SLC25A25: variants seen among roughly 807,000 people sequenced by gnomAD.
SLC25A25 encodes the protein solute carrier family 25 member 25.
A neutral mutation model predicts 57.7 loss-of-function variants in SLC25A25; 32 were observed. The ratio of observed to expected loss-of-function variants is 0.55; its 90% confidence interval spans 0.42 to 0.74. The LOEUF is 0.74. Ranked by LOEUF, SLC25A25 falls within the 30% of genes least tolerant of loss-of-function variation. The pLI is 0.00. For missense variants in SLC25A25, 556 were observed against 701.3 expected (o/e 0.79, Z 2.34); for synonymous variants, 306 against 291.2 (o/e 1.05, Z -0.52).
chr9:128,100,978 C>T (rs543628535), intron 1 of SLC25A25, 118 bp from the exon 2 acceptor site: 1 of 1,397,984 alleles, frequency 7.2e-7, no homozygotes, highest in African/African-American at 1.4e-5. Flanking sequence ...CATCTTGGGT[C>T]CTTGGGGCCA....
intron 1 of SLC25A25, among the ~76,000 whole-genome samples, chr9:128,069,675 A>G (rs1832858204): frequency 6.6e-6 from 1 of 152,228 alleles, no homozygotes; most frequent in African/African-American, 2.4e-5. Context: ...GCTAACTATT[A>G]GGATCAGCCT....
chr9:128,084,814 A>G (rs1400492096), intron 1 of SLC25A25, among the ~76,000 whole-genome samples: 2 of 152,134 alleles, frequency 1.3e-5, no homozygotes, highest in Non-Finnish European at 2.9e-5. Context: ...ATCAGCCTCT[A>G]TTGTCTAGAT....
chr9:128,069,695 A>T (rs1832858545), intron 1 of SLC25A25, among the ~76,000 whole-genome samples: 1 of 152,232 alleles, frequency 6.6e-6, no homozygotes, highest in African/African-American at 2.4e-5. Context: ...TAGGAGGACC[A>T]AGAGTAACAC....
intron 1 of SLC25A25, chr9:128,091,449 C>T (rs1253714543): frequency 4.1e-6 from 4 of 985,684 alleles, no homozygotes; most frequent in African/African-American, 3.5e-5. Context: ...CTCGGGTCCT[C>T]GGCTTGGGTG....
In SLC25A25 at chr9:128,108,171, GTCAGGATGGGCCCCACC is replaced by G; in HGVS notation, c.*732_*748del. Reference sequence around the variant, plus strand: ...GGTGCTCTGAGCTGGCCTGGACCCTGTCAGGATGGGCCCCACCTCAGAACCAAACTCACTGTCCCCAC... The same window carrying G: ...GGTGCTCTGAGCTGGCCTGGACCCTGTCAGAACCAAACTCACTGTCCCCAC... On this transcript the variant is annotated 3_prime_UTR_variant, in exon 11 of 11. Transcript: ENST00000373069. The G allele has an allele frequency of 2.5e-6, 1 of 399,268 alleles. No homozygotes were observed. Among genetic ancestry groups the G allele is most frequent in the Non-Finnish European group, 4.4e-6 (1 of 226,256 alleles). 24.7% of individuals were successfully genotyped at this position (399,268 alleles called of 1,614,324 possible).
Position 128,099,139 on chromosome 9 carries a change from C to T in SLC25A25, c.262-1957C>T. 8.2e-7 allele frequency: 1 copy of T among 1,220,188 alleles called. No homozygotes were observed. The allele number at this position is 1,220,188 out of a possible 1,614,324, so 75.6% of individuals were successfully genotyped here. A position where few individuals can be genotyped will look rare whatever the true frequency, so the allele number is the denominator to read the frequency against. ...CCTGGTGTGGGGGTGAGGGAGCCTC[C>T]CGCCTTCTCGACTCTCAGACATCGC... On this transcript the variant is annotated intron_variant, in intron 1 of 10. Transcript: ENST00000373069. The surrounding 1 kb of genome is among the most constrained non-coding windows in gnomAD (Gnocchi z 6.8).
chr9:128,073,882 C>T lies in SLC25A25; in HGVS notation c.261+5302C>T, dbSNP rs55949011. Among the ~76,000 whole-genome samples the T allele has an allele frequency of 5.5e-3, 842 of 151,758 alleles. 10 individuals carry two copies. The highest frequency in any genetic ancestry group is 0.02 in the African/African-American group (811 of 41,362). Reference sequence around the variant, plus strand: ...TGGTGTAGCTGGGATTACAGGCCTGCGCCACCATGCCCTGCTAATTTTTAT... The same window carrying T: ...TGGTGTAGCTGGGATTACAGGCCTGTGCCACCATGCCCTGCTAATTTTTAT... On this transcript the variant is annotated intron_variant, in intron 1 of 10. Transcript: ENST00000373069.
intron 1 of SLC25A25, among the ~76,000 whole-genome samples, chr9:128,086,713 C>A (rs1177128930): frequency 6.6e-6 from 1 of 151,828 alleles, no homozygotes; most frequent in East Asian, 1.9e-4. Context: ...TGACTTCAAG[C>A]AATCCTCCCG....
rs200304795 is a variant in SLC25A25, at chr9:128,101,227, G to A, written c.388+5G>A. On this transcript the variant is annotated splice_donor_5th_base_variant and intron_variant, in intron 2 of 10. Transcript: ENST00000373069. This position sits in a 1 kb window ranked among gnomAD's most constrained non-coding sequence, Gnocchi z 4.9. ...GTTTGGACAAAAAGAATGATGGTAAGTGTTGCCTTCAGAGCTGTGGCCGGT... is the reference window on the plus strand; with the variant it reads ...GTTTGGACAAAAAGAATGATGGTAAATGTTGCCTTCAGAGCTGTGGCCGGT... 3.3e-4 allele frequency: 539 copies of A among 1,614,288 alleles called. 3 individuals carry two copies. The highest frequency in any genetic ancestry group is 1.9e-4 in the African/African-American group (14 of 75,088).
chr9:128,106,335 G>A lies in SLC25A25; in HGVS notation c.1045-18G>A, dbSNP rs369399322. 64 of 1,613,556 alleles carry A rather than the reference G, an allele frequency of 4.0e-5. No homozygotes were observed. Among genetic ancestry groups the A allele is most frequent in the Non-Finnish European group, 5.2e-5 (61 of 1,179,780 alleles). On this transcript the variant is annotated intron_variant, in intron 8 of 10. Coordinates refer to ENST00000373069, the MANE Select transcript of SLC25A25 (RefSeq NM_001330988.2). ...GGCACAGGCTGTGCTCACGCGTCCC[G>A]CTGCTCCTGTTGTGCAGGTCCTGAA...
chr9:128,097,973 G>A (rs754453140), intron 1 of SLC25A25, among the ~76,000 whole-genome samples: 1 of 152,202 alleles, frequency 6.6e-6, no homozygotes, highest in Non-Finnish European at 1.5e-5. Flanking sequence ...GGGCCCATAG[G>A]GGGGTCCACT....
chr9:128,100,973 T>C, intron 1 of SLC25A25, 123 bp from the exon 2 acceptor site: 3 of 1,339,900 alleles, frequency 2.2e-6, no homozygotes, highest in East Asian at 2.4e-5. Context: ...AGAAGCATCT[T>C]GGGTCCTTGG....
chr9:128,105,435 T>C (rs1019273585), intron 6 of SLC25A25, among the ~76,000 whole-genome samples: 3 of 152,010 alleles, frequency 2.0e-5, no homozygotes, highest in African/African-American at 7.2e-5. Context: ...CCTCCCAAAG[T>C]GCTGGGATTA....
At chr9:128,087,853 T>C (rs1175325555) in intron 1 of SLC25A25, among the ~76,000 whole-genome samples, 1 of 152,246 alleles carries the variant, frequency 6.6e-6, no homozygotes, top group Non-Finnish European at 1.5e-5. Flanking sequence ...TTGTAGTTTT[T>C]ACCTAGAGTT....
intron 1 of SLC25A25, chr9:128,091,569 A>AAT: frequency 9.6e-7 from 1 of 1,039,410 alleles, no homozygotes; most frequent in Non-Finnish European, 1.2e-6. Flanking sequence ...TTTAAAAAAA[A>AAT]GCCAAACGTT....
chr9:128,106,531 A>T lies in SLC25A25; in HGVS notation c.1212+11A>T, dbSNP rs371659999. On this transcript the variant is annotated intron_variant, in intron 9 of 10. Transcript: ENST00000373069. ...CTTGCAGTCTACGAGGTGAGGCCCA[A>T]GCTGGACAGATTTAGAAACCTCCTC... 6.3e-7 allele frequency: 1 copy of T among 1,582,362 alleles called. No homozygotes were observed. The highest frequency in any genetic ancestry group is 1.3e-5 in the African/African-American group (1 of 74,124).
chr9:128,090,639 C>T (rs1033231693), intron 1 of SLC25A25, among the ~76,000 whole-genome samples: 3 of 151,944 alleles, frequency 2.0e-5, no homozygotes, highest in African/African-American at 7.2e-5. Context: ...GGTGAAACCC[C>T]GTCTCTACTA....
chr9:128,099,468 G>A lies in SLC25A25; in HGVS notation c.262-1628G>A. ...GGCTCACCCTGGCAGCAGGCGGCTG[G>A]GTCCCAGAGGGCTCCATGCCTGATG... On this transcript the variant is annotated intron_variant, in intron 1 of 10. Transcript: ENST00000373069. This position sits in a 1 kb window ranked among gnomAD's most constrained non-coding sequence, Gnocchi z 6.8. 3.7e-6 allele frequency: 4 copies of A among 1,075,540 alleles called. No individual in the cohort carries two copies. The highest frequency in any genetic ancestry group is 3.5e-6 in the Non-Finnish European group (3 of 859,614). The allele number at this position is 1,075,540 out of a possible 1,614,324, so 66.6% of individuals were successfully genotyped here. A position where few individuals can be genotyped will look rare whatever the true frequency, so the allele number is the denominator to read the frequency against.
intron 1 of SLC25A25, among the ~76,000 whole-genome samples, chr9:128,076,455 TATTTTTA>T (rs1833014314): frequency 7.0e-6 from 1 of 142,034 alleles, no homozygotes; most frequent in Admixed American, 6.8e-5. Flanking sequence ...TTTTTATTTT[TATTTTTA>T]TTTTTATTTT....
Sources: allele counts gnomAD v4.1 joint callset (sites outside exome capture counted in the v4.1 genomes callset), GRCh38; gene constraint gnomAD v4.1.1; non-coding constraint Gnocchi (gnomAD v3.1); transcripts MANE v1.5; gene names NCBI Gene and HGNC (gene_info 2026-07-23, HGNC 2026-07-21).